The following FAM13A variants were observed in gnomAD, a reference collection of about 807,000 sequenced individuals.
The protein encoded by FAM13A is protein FAM13A.
Under a neutral mutation model 129.6 loss-of-function variants are expected in FAM13A, and 76 were observed. That is an observed-to-expected ratio of 0.59 (90% CI 0.49 to 0.71). The LOEUF (loss-of-function observed/expected upper bound fraction) is 0.71, where lower values mean the gene tolerates loss of function less well. Ranked by LOEUF, FAM13A falls within the 30% of genes least tolerant of loss-of-function variation. The pLI, the probability that FAM13A is intolerant of heterozygous loss-of-function variation, is 0.00. For missense variants in FAM13A, 1,108 were observed against 1,249.3 expected, an observed-to-expected ratio of 0.89 and a Z score of 1.70; for synonymous variants, 443 against 449.9, an observed-to-expected ratio of 0.98 and a Z score of 0.20.
At chr4:88,851,278 T>G in intron 6 of FAM13A, 95 bp from the exon 7 acceptor site, 1 of 1,175,728 alleles carries the variant, frequency 8.5e-7, no homozygotes, top group Non-Finnish European at 1.2e-6. Flanking sequence ...ATTCCAATTT[T>G]GCAATAATCC....
intron 5 of FAM13A, among the ~76,000 whole-genome samples, chr4:88,925,420 T>C (rs1211279490): frequency 2.6e-5 from 4 of 151,850 alleles, no homozygotes; most frequent in South Asian, 2.1e-4. Flanking sequence ...ATGGATGAAA[T>C]TGGAAATCAT....
intron 6 of FAM13A, among the ~76,000 whole-genome samples, chr4:88,888,981 T>C (rs2150155097): frequency 6.7e-6 from 1 of 149,450 alleles, no homozygotes; most frequent in East Asian, 2.0e-4. Context: ...CAGACTTTCA[T>C]GAACAGTAGG....
intron 14 of FAM13A, among the ~76,000 whole-genome samples, chr4:88,754,947 T>A (rs2149491043): frequency 6.6e-6 from 1 of 152,322 alleles, no homozygotes; most frequent in South Asian, 2.1e-4. Flanking sequence ...GATCCATTTA[T>A]CTACACATTT....
At chr4:88,980,856 T>G (rs1390215549) in intron 4 of FAM13A, among the ~76,000 whole-genome samples, 1 of 152,220 alleles carries the variant, frequency 6.6e-6, no homozygotes, top group Non-Finnish European at 1.5e-5. Flanking sequence ...ATTTAGCTGA[T>G]ATCATTTAAT....
At chr4:88,812,806 T>C (rs1337278652) in intron 7 of FAM13A, among the ~76,000 whole-genome samples, 5 of 152,208 alleles carry the variant, frequency 3.3e-5, no homozygotes, top group African/African-American at 4.8e-5. Flanking sequence ...GCTTAGTAAA[T>C]GGCTCTTGAA....
At chr4:88,760,834 TG>T (rs1184727912) in intron 13 of FAM13A, among the ~76,000 whole-genome samples, 1 of 148,500 alleles carries the variant, frequency 6.7e-6, no homozygotes, top group Non-Finnish European at 1.5e-5. Flanking sequence ...TGAGTGTGCC[TG>T]GGTTGCGGGG....
intron 6 of FAM13A, among the ~76,000 whole-genome samples, chr4:88,873,290 A>G (rs1177569030): frequency 6.6e-6 from 1 of 152,182 alleles, no homozygotes; most frequent in East Asian, 1.9e-4. Flanking sequence ...AACTAAAATC[A>G]GAGCAGAACT....
intron 6 of FAM13A, among the ~76,000 whole-genome samples, chr4:88,879,704 G>C (rs1743205640): frequency 6.6e-6 from 1 of 152,168 alleles, no homozygotes; most frequent in Non-Finnish European, 1.5e-5. Context: ...CATTGTTACT[G>C]CAAGGTCCTA....
intron 4 of FAM13A, among the ~76,000 whole-genome samples, chr4:88,972,043 CAT>C (rs1271197850): frequency 3.3e-5 from 5 of 152,048 alleles, no homozygotes; most frequent in Admixed American, 1.3e-4. Context: ...TACATAAACA[CAT>C]ATATATACAT....
chr4:88,921,576 G>A (rs904091726), intron 5 of FAM13A, among the ~76,000 whole-genome samples: 1 of 152,120 alleles, frequency 6.6e-6, no homozygotes, highest in Non-Finnish European at 1.5e-5. Flanking sequence ...AGGAACAACT[G>A]GTACCAGCCG....
intron 6 of FAM13A, among the ~76,000 whole-genome samples, chr4:88,860,530 C>G (rs1271500675): frequency 1.3e-5 from 2 of 152,192 alleles, no homozygotes; most frequent in Non-Finnish European, 2.9e-5. Flanking sequence ...GAAGCACCTC[C>G]CACATTCCCT....
intron 5 of FAM13A, among the ~76,000 whole-genome samples, chr4:88,907,941 T>G (rs1185977708): frequency 6.6e-6 from 1 of 152,218 alleles, no homozygotes. Flanking sequence ...GTGGCAAAGC[T>G]GAGACTCATG....
intron 13 of FAM13A, among the ~76,000 whole-genome samples, chr4:88,762,309 T>G (rs1396233345): frequency 6.6e-6 from 1 of 152,148 alleles, no homozygotes; most frequent in Non-Finnish European, 1.5e-5. Flanking sequence ...TGTGTCAACT[T>G]ACATGAGCTT....
At chr4:88,929,120 C>G (rs905652784) in intron 5 of FAM13A, among the ~76,000 whole-genome samples, 3 of 151,996 alleles carry the variant, frequency 2.0e-5, no homozygotes, top group African/African-American at 4.8e-5. Context: ...CTAATAAAAA[C>G]TTTAGTTCTC....
intron 1 of FAM13A, among the ~76,000 whole-genome samples, chr4:89,045,176 A>G (rs114418292): frequency 0.015 from 2,229 of 152,304 alleles, 59 homozygotes; most frequent in African/African-American, 0.051. Context: ...AGAGGTGATC[A>G]GATAATAGGA....
chr4:88,782,556 A>C (rs927067769), intron 10 of FAM13A, among the ~76,000 whole-genome samples: 6 of 152,212 alleles, frequency 3.9e-5, no homozygotes, highest in African/African-American at 1.4e-4. Context: ...ATCTAAATTC[A>C]TATCTTTAGA....
At chr4:88,920,752 C>A (rs1015347648) in intron 5 of FAM13A, among the ~76,000 whole-genome samples, 18 of 152,206 alleles carry the variant, frequency 1.2e-4, no homozygotes, top group African/African-American at 4.1e-4. Context: ...CAAACTACTC[C>A]GAGCTACAGG....
chr4:88,739,128 G>A lies in FAM13A; in HGVS notation c.2467-3C>T. 1 of 1,609,242 alleles carries A rather than the reference G, an allele frequency of 6.2e-7. No homozygotes were observed. The highest frequency in any genetic ancestry group is 8.5e-7 in the Non-Finnish European group (1 of 1,175,636). ...ACCTGCCGTTCGTTCTTTGTTACCT[G>A]AAAAGCAAGAATGAGAGCTATGAGA... On this transcript the variant is annotated splice_polypyrimidine_tract_variant and splice_region_variant and intron_variant, in intron 19 of 23. Transcript: ENST00000264344.
At chr4:88,731,289 G>A (rs543048834) in intron 23 of FAM13A, 38 bp downstream of exon 23, 1 of 1,162,852 alleles carries the variant, frequency 8.6e-7, no homozygotes, top group Non-Finnish European at 1.3e-6. Context: ...GTGTGGTGCG[G>A]CGGGGGGGAA....
Sources: gnomAD v4.1 joint callset for allele counts (sites outside exome capture counted in the v4.1 genomes callset) on GRCh38, gnomAD v4.1.1 for gene constraint, MANE v1.5 for transcripts, NCBI Gene and HGNC (gene_info 2026-07-23, HGNC 2026-07-21) for gene names.